The following TNS3 variants were observed in gnomAD, a reference collection of about 807,000 sequenced individuals.
The protein encoded by TNS3 is tensin-3.
Under a neutral mutation model 140.9 loss-of-function variants are expected in TNS3, and 45 were observed. The ratio of observed to expected loss-of-function variants is 0.32; its 90% CI spans 0.25 to 0.41. The LOEUF (loss-of-function observed/expected upper bound fraction) is 0.41, where lower values mean the gene tolerates loss of function less well. Among genes scored for constraint, TNS3 ranks in the 10% least tolerant of loss-of-function variants. The pLI, the probability that TNS3 is intolerant of heterozygous loss-of-function variation, is 1.00. For synonymous variants in TNS3, 815 were observed against 788.4 expected (o/e 1.03, Z -0.56); for missense variants, 1,716 against 1,906.7 (o/e 0.90, Z 1.86).
chr7:47,446,065 C>T (rs557960893), intron 4 of TNS3, among the ~76,000 whole-genome samples: 9 of 152,190 alleles, frequency 5.9e-5, no homozygotes, highest in Non-Finnish European at 1.2e-4. Context: ...TTGTAGGCAC[C>T]AGTCCTGCAA....
At chr7:47,457,111 GGGAGGGGAGGGGAGGGGAGGGGA>G (rs1388451986) in intron 4 of TNS3, among the ~76,000 whole-genome samples, 1 of 34,110 alleles carries the variant, frequency 2.9e-5, no homozygotes, top group Non-Finnish European at 7.3e-5. Flanking sequence ...GCTGGTAAAG[GGGAGGGGAGGGGAGGGGAGGGGA>G]GGAGGGGAGG....
chr7:47,537,338 G>A (rs1463095675), intron 1 of TNS3, among the ~76,000 whole-genome samples: 1 of 152,164 alleles, frequency 6.6e-6, no homozygotes, highest in Non-Finnish European at 1.5e-5. Flanking sequence ...TCAGACGCCG[G>A]GAACAAAAGC....
At chr7:47,542,692 A>G (rs2151967812) in intron 1 of TNS3, among the ~76,000 whole-genome samples, 1 of 152,200 alleles carries the variant, frequency 6.6e-6, no homozygotes, top group Middle Eastern at 3.4e-3. Context: ...ACACTTTGGG[A>G]GGCTGAGGAG....
intron 4 of TNS3, among the ~76,000 whole-genome samples, chr7:47,444,453 T>C (rs544255639): frequency 1.4e-4 from 21 of 152,312 alleles, no homozygotes; most frequent in African/African-American, 4.6e-4. Flanking sequence ...ACTATTTAAC[T>C]CTCACATGAC....
intron 1 of TNS3, among the ~76,000 whole-genome samples, chr7:47,567,714 C>T (rs1011674225): frequency 6.8e-6 from 1 of 147,722 alleles, no homozygotes; most frequent in East Asian, 2.0e-4. Flanking sequence ...AGAAGTGAGA[C>T]ACTTGGGTGT....
chr7:47,501,202 GA>G (rs1798211011), intron 3 of TNS3, among the ~76,000 whole-genome samples: 1 of 135,852 alleles, frequency 7.4e-6, no homozygotes, highest in Admixed American at 7.5e-5. Context: ...GGGAGGGAGG[GA>G]GGGAGGGAGG....
In TNS3 at chr7:47,344,829, G is replaced by A. The variant is rs771461531; in HGVS notation, c.2576C>T (p.Ala859Val). 10 of 1,613,786 alleles carry A rather than the reference G, an allele frequency of 6.2e-6. No individual in the cohort carries two copies. The highest frequency in any genetic ancestry group is 2.2e-5 in the East Asian group (1 of 44,880). ...VSPETPYVKT[A>V]LRHPPFSPPE... ...TGGGCTGAACGGAGGATGGCGCAGC[G>A]CTGTTTTCACTGGAAAAGAAAGCAG... The change falls in exon 20 of 31, where the codon GCG becomes GTG. Residue 859 changes from alanine (A) to valine (V), a missense_variant. Ala to Val is a moderately conservative substitution (Grantham distance 64). Around this residue, in one of 3 missense-constraint regions of TNS3, gnomAD observed 1,163 missense variants for 1,182.1 expected, o/e 0.98. Coordinates refer to ENST00000311160, the MANE Select transcript of TNS3 (RefSeq NM_022748.12).
intron 2 of TNS3, among the ~76,000 whole-genome samples, chr7:47,524,005 C>A (rs1799086715): frequency 6.6e-6 from 1 of 152,228 alleles, no homozygotes; most frequent in African/African-American, 2.4e-5. Flanking sequence ...GGCACCCAGG[C>A]TGGAAAGGTG....
chr7:47,373,872 C>T (rs140523777), intron 16 of TNS3, among the ~76,000 whole-genome samples: 393 of 152,306 alleles, frequency 2.6e-3, no homozygotes, highest in Non-Finnish European at 4.0e-3. Flanking sequence ...AACAAGCAAA[C>T]GAAGAACAAT....
At chr7:47,374,921 G>A (rs1024218624) in intron 16 of TNS3, among the ~76,000 whole-genome samples, 3 of 152,136 alleles carry the variant, frequency 2.0e-5, no homozygotes, top group African/African-American at 7.2e-5. Context: ...GAGGCTGCAG[G>A]GCTTTAAGTC....
chr7:47,481,252 T>C (rs1543035), intron 3 of TNS3, 111 bp from the exon 4 acceptor site: 78,549 of 779,016 alleles, frequency 0.1, 5,832 homozygotes, highest in African/African-American at 0.29. Context: ...AACCTCACTC[T>C]GGCTACAAAG....
intron 17 of TNS3, among the ~76,000 whole-genome samples, chr7:47,359,571 T>TA (rs1790201202): frequency 6.6e-6 from 1 of 152,226 alleles, no homozygotes; most frequent in Non-Finnish European, 1.5e-5. Context: ...TTCACCACAA[T>TA]AAAAAATTAA....
chr7:47,378,483 TA>T (rs1216784189), intron 16 of TNS3, among the ~76,000 whole-genome samples: 42 of 152,320 alleles, frequency 2.8e-4, no homozygotes, highest in Middle Eastern at 6.8e-3. Flanking sequence ...AGTGCGACTT[TA>T]TGGCCAAGCT....
intron 9 of TNS3, among the ~76,000 whole-genome samples, chr7:47,426,945 T>A (rs1794685133): frequency 6.6e-6 from 1 of 151,792 alleles, no homozygotes; most frequent in South Asian, 2.1e-4. Flanking sequence ...GCCAACATGG[T>A]GAAACCCTGT....
At chr7:47,445,672 A>G (rs1201566568) in intron 4 of TNS3, among the ~76,000 whole-genome samples, 1 of 152,188 alleles carries the variant, frequency 6.6e-6, no homozygotes, top group Non-Finnish European at 1.5e-5. Context: ...TGAATCATTC[A>G]GGGGTTAAAT....
chr7:47,459,996 C>CT (rs1796414671), intron 4 of TNS3, among the ~76,000 whole-genome samples: 1 of 151,990 alleles, frequency 6.6e-6, no homozygotes, highest in African/African-American at 2.4e-5. Flanking sequence ...TGAGTGGTGT[C>CT]TTTATAAAAA....
In TNS3 at chr7:47,406,631, A is replaced by C. The variant is rs1793465243; in HGVS notation, c.723+5096T>G. 2.0e-5 allele frequency among the ~76,000 whole-genome samples: 3 copies of C among 152,332 alleles called. No individual in the cohort carries two copies. The South Asian group carries it at 6.2e-4, about 32-fold the overall frequency. On this transcript the variant is annotated intron_variant, in intron 13 of 30. Transcript: ENST00000311160. ...CCTTCAAAAGTACACAGACAGCCTC[A>C]GAAAACACCCAGACTGAGGGCACCA...
At chr7:47,487,111 C>T (rs1166050963) in intron 3 of TNS3, among the ~76,000 whole-genome samples, 2 of 152,012 alleles carry the variant, frequency 1.3e-5, no homozygotes, top group Non-Finnish European at 2.9e-5. Flanking sequence ...CCAACCTGGT[C>T]AACATGGCAA....
At chr7:47,403,390 T>A (rs946718459) in intron 13 of TNS3, 1 of 152,190 alleles carries the variant, frequency 6.6e-6, no homozygotes, top group Non-Finnish European at 1.5e-5. Flanking sequence ...AGATTCCTAT[T>A]TTTCACAGCA....
Sources: gnomAD v4.1 joint callset for allele counts (sites outside exome capture counted in the v4.1 genomes callset) on GRCh38, gnomAD v4.1.1 for gene constraint, gnomAD v4.1.1 regional missense constraint, MANE v1.5 for transcripts, NCBI Gene and HGNC (gene_info 2026-07-23, HGNC 2026-07-21) for gene names.